Variants in ZNF83 observed in about 807,000 individuals in gnomAD.
ZNF83 encodes the protein zinc finger protein 83.
For missense variants in ZNF83, 552 were observed against 629.9 expected (o/e 0.88, Z 1.32); for synonymous variants, 209 against 213.0 (o/e 0.98, Z 0.17).
rs535730719 is a variant in ZNF83 at position 52,633,013 on chromosome 19, T to C, written c.-234+2053A>G. Reference sequence around the variant, plus strand: ...TCCCAACACTTTACCACTATTTCGTTTTATTTTTCTTATTAATATAAGAAG... The same window carrying C: ...TCCCAACACTTTACCACTATTTCGTCTTATTTTTCTTATTAATATAAGAAG... On this transcript the variant is annotated intron_variant, in intron 2 of 2. Coordinates refer to ENST00000301096, the Ensembl canonical transcript of ZNF83. Among the ~76,000 whole-genome samples, 31 of 152,228 alleles carry C rather than the reference T, an allele frequency of 2.0e-4. No individual in the cohort carries two copies. The South Asian group carries it at 6.2e-3, about 31-fold the overall frequency.
At chr19:52,629,646 C>G (rs1035876054) in intron 2 of ZNF83, among the ~76,000 whole-genome samples, 3 of 152,070 alleles carry the variant, frequency 2.0e-5, no homozygotes, top group Non-Finnish European at 4.4e-5. Context: ...AAGGTTAATG[C>G]TCCTTTTTCT....
Position 52,685,780 on chromosome 19 carries a change from C to A in ZNF83, c.-283+4663G>T, listed in dbSNP as rs566613931. On this transcript the variant is annotated intron_variant, in intron 1 of 5. Transcript: ENST00000594682. ...AGGCATGGTGGCAGGCAACTGTAAT[C>A]CCAGCTACTCAGGAGGCTGAAGCAG... Among the ~76,000 whole-genome samples, 12 of 152,060 alleles carry A rather than the reference C, an allele frequency of 7.9e-5. No homozygotes were observed. The South Asian group carries it at 2.5e-3, about 32-fold the overall frequency.
chr19:52,626,829 A>T lies in ZNF83; in HGVS notation c.-234+8237T>A, dbSNP rs10409384. Among the ~76,000 whole-genome samples, 875 of 151,984 alleles carry T rather than the reference A, an allele frequency of 5.8e-3. 4 individuals carry two copies. Among genetic ancestry groups the T allele is most frequent in the African/African-American group, 0.019 (808 of 41,438 alleles). Reference sequence around the variant, plus strand: ...TTATCTCTCCATACCACCCCCAAAAATTTTTGCCACCCCAACACTTCACTA... The same window carrying T: ...TTATCTCTCCATACCACCCCCAAAATTTTTTGCCACCCCAACACTTCACTA... On this transcript the variant is annotated intron_variant, in intron 2 of 2. Coordinates refer to ENST00000301096, the Ensembl canonical transcript of ZNF83.
chr19:52,623,178 C>G (rs778492498), intron 2 of ZNF83, among the ~76,000 whole-genome samples: 3 of 152,238 alleles, frequency 2.0e-5, no homozygotes, highest in Non-Finnish European at 4.4e-5. Flanking sequence ...GCCCATGGCT[C>G]TTTGACTCCT....
intron 1 of ZNF83, among the ~76,000 whole-genome samples, chr19:52,661,598 T>C (rs986477769): frequency 7.2e-5 from 11 of 152,218 alleles, no homozygotes; most frequent in Non-Finnish European, 1.5e-4. Context: ...GCATAAAAGA[T>C]GTATTTGCAA....
intron 1 of ZNF83, among the ~76,000 whole-genome samples, chr19:52,682,496 C>T (rs2061937896): frequency 6.6e-6 from 1 of 152,034 alleles, no homozygotes; most frequent in South Asian, 2.1e-4. Context: ...CATGGTGAAA[C>T]TCCATCTCTA....
At chr19:52,651,093 G>A (rs1362919754) in intron 3 of ZNF83, 1 of 152,232 alleles carries the variant, frequency 6.6e-6, no homozygotes, top group Non-Finnish European at 1.5e-5. Context: ...TACTTGTAAA[G>A]TAGTCAGATT....
intron 1 of ZNF83, among the ~76,000 whole-genome samples, chr19:52,663,189 C>T (rs2061602107): frequency 6.6e-6 from 1 of 151,978 alleles, no homozygotes; most frequent in African/African-American, 2.4e-5. Flanking sequence ...AATTCCAGGA[C>T]CATCTGTTAT....
At chr19:52,643,994 A>G (rs1178588432) in intron 3 of ZNF83, among the ~76,000 whole-genome samples, 1 of 152,140 alleles carries the variant, frequency 6.6e-6, no homozygotes, top group Admixed American at 6.6e-5. Context: ...GGCCCTGGAC[A>G]CAGGGCTGTG....
At chr19:52,619,124 T>C in intron 2 of ZNF83, 1 of 1,612,182 alleles carries the variant, frequency 6.2e-7, no homozygotes, top group Non-Finnish European at 8.5e-7. Context: ...TTACAGAAAA[T>C]GAGGAGAGCG....
At chr19:52,654,694 G>T (rs1229564042) in intron 3 of ZNF83, among the ~76,000 whole-genome samples, 1 of 152,000 alleles carries the variant, frequency 6.6e-6, no homozygotes, top group Non-Finnish European at 1.5e-5. Flanking sequence ...TCCAGCCTGG[G>T]CAACAAGAGC....
chr19:52,668,588 A>G lies in ZNF83; in HGVS notation c.-282-7745T>C, dbSNP rs116121415. On this transcript the variant is annotated intron_variant, in intron 1 of 5. Transcript: ENST00000594682. ...CCCCTTTCCCAAATCTATGAAATCA[A>G]ACTATGACATGCCTCGTGCCAAATG... 4.2e-3 allele frequency among the ~76,000 whole-genome samples: 633 copies of G among 152,246 alleles called. 4 individuals carry two copies. Among genetic ancestry groups the G allele is most frequent in the African/African-American group, 6.2e-3 (259 of 41,544 alleles).
chr19:52,666,900 CT>C (rs2061661762), intron 1 of ZNF83, among the ~76,000 whole-genome samples: 1 of 152,138 alleles, frequency 6.6e-6, no homozygotes, highest in East Asian at 1.9e-4. Flanking sequence ...TAAAGAAACT[CT>C]TGCAGAAGCA....
At chr19:52,616,310 G>C (rs1029552768) in intron 2 of ZNF83, among the ~76,000 whole-genome samples, 1 of 152,120 alleles carries the variant, frequency 6.6e-6, no homozygotes, top group African/African-American at 2.4e-5. Flanking sequence ...ATTTGATCTT[G>C]GGCTGCAGAT....
intron 2 of ZNF83, among the ~76,000 whole-genome samples, chr19:52,620,272 G>GTGTGTGTGTGTGTGTGTATATCTC: frequency 1.0e-5 from 1 of 98,596 alleles, no homozygotes; most frequent in South Asian, 2.7e-4. Flanking sequence ...GTATATCTCT[G>GTGTGTGTGTGTGTGTGTATATCTC]TGTGTGTGTG....
At chr19:52,617,755 A>C in intron 2 of ZNF83, 1 of 133,820 alleles carries the variant, frequency 7.5e-6, no homozygotes, top group East Asian at 2.2e-4. Flanking sequence ...AAAAAAAAAA[A>C]ATTCCCACCC....
At position 52,666,101 on chromosome 19, in the gene ZNF83, TTGCAGTGAGCCAAGATCGCACCAC is replaced by T. The variant is rs1344862387; in HGVS notation, c.-282-5282_-282-5259del. Among the ~76,000 whole-genome samples the T allele has an allele frequency of 7.3e-5, 11 of 150,118 alleles. No individual in the cohort carries two copies. The East Asian group carries it at 2.1e-3, about 29-fold the overall frequency. On this transcript the variant is annotated intron_variant, in intron 1 of 5. Transcript: ENST00000594682. The stretch of plus-strand genomic sequence containing the variant: ...ATGGTGTGAACCCGGGAGGCGGAGC[TTGCAGTGAGCCAAGATCGCACCAC>T]TGCACTCCAGCCTGGGCAACAGAGC...
intron 1 of ZNF83, among the ~76,000 whole-genome samples, chr19:52,665,020 C>T (rs576394535): frequency 6.6e-6 from 1 of 152,260 alleles, no homozygotes; most frequent in South Asian, 2.1e-4. Context: ...TCAAAGTTGT[C>T]TAGGGCAGGA....
At chr19:52,623,392 G>T (rs1416130419) in intron 2 of ZNF83, among the ~76,000 whole-genome samples, 1 of 152,100 alleles carries the variant, frequency 6.6e-6, no homozygotes, top group East Asian at 1.9e-4. Flanking sequence ...AACTGTTGTG[G>T]GTATTGATGG....
Sources: gnomAD v4.1 joint callset for allele counts (sites outside exome capture counted in the v4.1 genomes callset) on GRCh38, gnomAD v4.1.1 for gene constraint, MANE v1.5 for transcripts, NCBI Gene and HGNC (gene_info 2026-07-23, HGNC 2026-07-21) for gene names.